Variants in MED20 observed in about 807,000 individuals in gnomAD.
MED20 encodes the protein mediator complex subunit 20.
Under a neutral mutation model 19.7 loss-of-function variants are expected in MED20, and 19 were observed. The ratio of observed to expected loss-of-function variants is 0.96; its 90% CI spans 0.67 to 1.42. The LOEUF is 1.42. Among genes scored for constraint, MED20 ranks in the 40% most tolerant of loss-of-function variants. The pLI is 0.00. For missense variants in MED20, 225 were observed against 273.0 expected (o/e 0.82, Z 1.24); for synonymous variants, 105 against 104.8 (o/e 1.00, Z -0.01).
At chr6:41,916,378 G>A (rs1006994211) in intron 2 of MED20, among the ~76,000 whole-genome samples, 9 of 152,140 alleles carry the variant, frequency 5.9e-5, no homozygotes, top group Non-Finnish European at 1.0e-4. Flanking sequence ...TCGGGAGTTC[G>A]AGATCAGCCT....
chr6:41,909,424 T>A lies in MED20; in HGVS notation c.268A>T (p.Asn90Tyr). 1 of 1,614,118 alleles carries A rather than the reference T, an allele frequency of 6.2e-7. No individual in the cohort carries two copies. The highest frequency in any genetic ancestry group is 8.5e-7 in the Non-Finnish European group (1 of 1,180,028). ...AGCTTCACCATAAGCACATCAAAGT[T>A]GGTGTCAGCAATAAGGCAAGGGCCA... ...ENGPCLIADT[N>Y]FDVLMVKLKG... Residue 90 changes from asparagine to tyrosine, a missense_variant, in exon 3 of 4, where the codon AAC becomes TAC. Asn to Tyr is a moderately radical substitution (Grantham distance 143). Transcript: ENST00000265350.
rs1775055685 is a variant in MED20, at chr6:41,906,631, T to A, written c.*441A>T. 1 of 163,654 alleles carries A rather than the reference T, an allele frequency of 6.1e-6. No homozygotes were observed. The highest frequency in any genetic ancestry group is 2.4e-5 in the African/African-American group (1 of 41,746). 10.1% of individuals were successfully genotyped at this position (163,654 alleles called of 1,614,324 possible). On this transcript the variant is annotated 3_prime_UTR_variant, in exon 4 of 4. Transcript: ENST00000265350. ...CTAGGATAGAAGCCCAGCCACATCCTCTGAGGGAAGGAAGAGGCTCTTATT... is the reference window on the plus strand; with the variant it reads ...CTAGGATAGAAGCCCAGCCACATCCACTGAGGGAAGGAAGAGGCTCTTATT...
intron 1 of MED20, among the ~76,000 whole-genome samples, chr6:41,920,020 C>T (rs1210178212): frequency 6.6e-6 from 1 of 152,164 alleles, no homozygotes; most frequent in African/African-American, 2.4e-5. Context: ...ATTTCTCCCA[C>T]GGGAAAAATG....
intron 2 of MED20, among the ~76,000 whole-genome samples, chr6:41,910,589 G>A (rs1436778924): frequency 6.7e-6 from 1 of 148,900 alleles, no homozygotes; most frequent in Non-Finnish European, 1.5e-5. Flanking sequence ...TTGAGAGCGT[G>A]TCACTGCACT....
chr6:41,912,657 G>A (rs1333840873), intron 2 of MED20, among the ~76,000 whole-genome samples: 1 of 151,940 alleles, frequency 6.6e-6, no homozygotes, highest in East Asian at 1.9e-4. Flanking sequence ...GCGCCCAGAC[G>A]ACAATCGTAT....
Position 41,905,908 on chromosome 6 carries a change from A to G in MED20, c.*1164T>C, listed in dbSNP as rs541106196. The G allele has an allele frequency of 1.3e-5, 2 of 152,334 alleles. No individual in the cohort carries two copies. The highest frequency in any genetic ancestry group is 2.9e-5 in the Non-Finnish European group (2 of 68,038). The allele number at this position is 152,334 out of a possible 1,614,324, so 9.4% of individuals were successfully genotyped here. Reference sequence around the variant, plus strand: ...GTGGAATTAACTTCCTAGTGTGACTAATCCAACTTAGCTCAAAGCGGCTCT... The same window carrying G: ...GTGGAATTAACTTCCTAGTGTGACTGATCCAACTTAGCTCAAAGCGGCTCT... On this transcript the variant is annotated 3_prime_UTR_variant, in exon 4 of 4. Transcript: ENST00000265350.
intron 2 of MED20, 23 bp downstream of exon 2, chr6:41,916,762 T>C (rs775686255): frequency 8.1e-6 from 13 of 1,611,988 alleles, no homozygotes; most frequent in Non-Finnish European, 1.1e-5. Flanking sequence ...GTTCCAGCCA[T>C]CCTACAGACC....
rs138851784 is a variant in MED20, at chr6:41,909,515, G to A, written c.177C>T (p.Thr59=). Residue 59 remains threonine, a synonymous_variant, in exon 3 of 4, where the codon ACC becomes ACT. Coordinates refer to ENST00000265350, the MANE Select transcript of MED20 (RefSeq NM_004275.5). ...AASTLGSQGQ[T]GKLMYVMHNS... ...TGTGCATCACATACATCAGCTTCCC[G>A]GTCTGACCTGCAAGGGACAGAGATC... 4.8e-5 allele frequency: 78 copies of A among 1,614,028 alleles called. No individual in the cohort carries two copies. The African/African-American group carries it at 6.7e-4, about 14-fold the overall frequency.
At chr6:41,914,796 G>A (rs1775274623) in intron 2 of MED20, among the ~76,000 whole-genome samples, 1 of 151,770 alleles carries the variant, frequency 6.6e-6, no homozygotes, top group Non-Finnish European at 1.5e-5. Flanking sequence ...CACTCAAAAC[G>A]CTAAAAAGAA....
intron 3 of MED20, 58 bp from the exon 4 acceptor site, chr6:41,907,345 C>T: frequency 6.7e-7 from 1 of 1,488,892 alleles, no homozygotes; most frequent in South Asian, 1.2e-5. Context: ...AGGTCTGCTT[C>T]TCTTGTACCT....
At chr6:41,920,383 A>G (rs1010227256) in intron 1 of MED20, among the ~76,000 whole-genome samples, 1 of 152,098 alleles carries the variant, frequency 6.6e-6, no homozygotes, top group African/African-American at 2.4e-5. Flanking sequence ...AAAAAATACT[A>G]TCTCCTGATT....
At chr6:41,917,308 G>A (rs1775339531) in intron 1 of MED20, 1 of 172,268 alleles carries the variant, frequency 5.8e-6, no homozygotes, top group African/African-American at 2.4e-5. Flanking sequence ...GCTCAGGCAG[G>A]AGAATCATTT....
rs988659903 is a variant in MED20 at position 41,906,407 on chromosome 6, T to C, written c.*665A>G. The C allele has an allele frequency of 6.6e-6, 1 of 152,300 alleles. No homozygotes were observed. Among genetic ancestry groups the C allele is most frequent in the African/African-American group, 2.4e-5 (1 of 41,428 alleles). The allele number at this position is 152,300 out of a possible 1,614,324, so 9.4% of individuals were successfully genotyped here. A position where few individuals can be genotyped will look rare whatever the true frequency, so the allele number is the denominator to read the frequency against. Reference sequence around the variant, plus strand: ...AGACCATCTGATTACCTCTCTATTATTAGGTGAGAAAAAAACAAACTTCGA... The same window carrying C: ...AGACCATCTGATTACCTCTCTATTACTAGGTGAGAAAAAAACAAACTTCGA... On this transcript the variant is annotated 3_prime_UTR_variant, in exon 4 of 4. Coordinates refer to ENST00000265350, the MANE Select transcript of MED20 (RefSeq NM_004275.5).
Position 41,906,922 on chromosome 6 carries a change from C to G in MED20, c.*150G>C. On this transcript the variant is annotated 3_prime_UTR_variant, in exon 4 of 4. Transcript: ENST00000265350. ...CAGGGGGTTGGGGAGGGGACTCAGC[C>G]CCAGAACAAAAGCCACAGCTGAGAA... 2.9e-6 allele frequency: 2 copies of G among 681,532 alleles called. No individual in the cohort carries two copies. The highest frequency in any genetic ancestry group is 4.9e-6 in the Non-Finnish European group (2 of 407,256). The allele number at this position is 681,532 out of a possible 1,614,324, so 42.2% of individuals were successfully genotyped here.
chr6:41,915,908 TGTA>T (rs1775304673), intron 2 of MED20, among the ~76,000 whole-genome samples: 1 of 152,182 alleles, frequency 6.6e-6, no homozygotes, highest in Non-Finnish European at 1.5e-5. Flanking sequence ...CTCATTAAGA[TGTA>T]TGCATTAGAT....
intron 2 of MED20, among the ~76,000 whole-genome samples, chr6:41,910,961 T>C (rs145650947): frequency 2.0e-5 from 3 of 151,524 alleles, no homozygotes; most frequent in African/African-American, 7.3e-5. Flanking sequence ...ACACAGAAAT[T>C]AGCCAGGCAT....
chr6:41,909,960 C>T (rs916329495), intron 2 of MED20, among the ~76,000 whole-genome samples: 5 of 152,196 alleles, frequency 3.3e-5, no homozygotes, highest in African/African-American at 1.2e-4. Flanking sequence ...CTTCTGCACA[C>T]TCTTCCTCAG....
chr6:41,917,132 T>TG (rs1775335190), intron 1 of MED20, among the ~76,000 whole-genome samples, 193 bp from the exon 2 acceptor site: 1 of 152,208 alleles, frequency 6.6e-6, no homozygotes, highest in African/African-American at 2.4e-5. Context: ...CCAGGCGTGG[T>TG]GGCTCATGCC....
rs1046881955 is a variant in MED20, at chr6:41,905,505, A to G, written c.*1567T>C. On this transcript the variant is annotated 3_prime_UTR_variant, in exon 4 of 4. Coordinates refer to ENST00000265350, the MANE Select transcript of MED20 (RefSeq NM_004275.5). ...ACTGAACTGAGCTTCCTGTCAGCCA[A>G]AACTAGAAGGGAAACATGACCACCA... The G allele has an allele frequency of 1.3e-5, 2 of 152,224 alleles. No homozygotes were observed. The highest frequency in any genetic ancestry group is 4.8e-5 in the African/African-American group (2 of 41,452). The allele number at this position is 152,224 out of a possible 1,614,324, so 9.4% of individuals were successfully genotyped here.
Sources: gnomAD v4.1 joint callset for allele counts (sites outside exome capture counted in the v4.1 genomes callset) on GRCh38, gnomAD v4.1.1 for gene constraint, MANE v1.5 for transcripts, NCBI Gene and HGNC (gene_info 2026-07-23, HGNC 2026-07-21) for gene names.